Variants in HYDIN observed in about 807,000 individuals in gnomAD.
HYDIN encodes axonemal central pair apparatus protein HYDIN.
Under a neutral mutation model 403.9 loss-of-function variants are expected in HYDIN, and 132 were observed. The ratio of observed to expected loss-of-function variants is 0.33; its 90% CI spans 0.28 to 0.38. The LOEUF is 0.38. Ranked by LOEUF, HYDIN falls within the 10% of genes least tolerant of loss-of-function variation. The probability of loss-of-function intolerance (pLI) is 1.00; values close to 1 mark genes in which losing one functional copy is unlikely to be tolerated. For missense variants in HYDIN, 2,827 were observed against 5,009.5 expected (o/e 0.56, Z 13.15); for synonymous variants, 1,202 against 1,891.7 (o/e 0.64, Z 9.46).
In HYDIN at chr16:70,938,782, T is replaced by C. The variant is rs1184084816; in HGVS notation, c.6854-27A>G. On this transcript the variant is annotated intron_variant, in intron 43 of 85. Transcript: ENST00000393567. ...TGTGAGGGGAACAGAGACGGGAAGG[T>C]GAGGAAAAGTCCTTCTCAGTCTCGC... is the stretch of plus-strand genomic sequence containing the variant. 8 of 1,612,272 alleles carry C rather than the reference T, an allele frequency of 5.0e-6. No individual in the cohort carries two copies. The African/African-American group carries it at 6.7e-5, about 13-fold the overall frequency.
intron 23 of HYDIN, among the ~76,000 whole-genome samples, chr16:70,997,558 C>T (rs978044485): frequency 2.0e-5 from 3 of 151,918 alleles, no homozygotes; most frequent in Admixed American, 2.0e-4. Flanking sequence ...TGCACCTCTT[C>T]CTCCTGGCAG....
chr16:70,964,902 C>G lies in HYDIN; in HGVS notation c.5620-6G>C. 1.2e-6 allele frequency: 2 copies of G among 1,613,674 alleles called. No homozygotes were observed. The highest frequency in any genetic ancestry group is 1.7e-6 in the Non-Finnish European group (2 of 1,179,952). ...CCCTTCAGCTTCCGCAAGATCTGCTCGAGGGGAGAAAGAGAATCCTGTTGG... is the reference window on the plus strand; with the variant it reads ...CCCTTCAGCTTCCGCAAGATCTGCTGGAGGGGAGAAAGAGAATCCTGTTGG... On this transcript the variant is annotated splice_polypyrimidine_tract_variant and splice_region_variant and intron_variant, in intron 36 of 85. Transcript: ENST00000393567.
intron 58 of HYDIN, among the ~76,000 whole-genome samples, chr16:70,885,977 C>A (rs1419086184): frequency 1.4e-5 from 2 of 147,134 alleles, no homozygotes; most frequent in Non-Finnish European, 3.0e-5. Context: ...GCAGAGGCCA[C>A]CTTGCAACCA....
chr16:71,069,656 T>A (rs1403616145), intron 13 of HYDIN, among the ~76,000 whole-genome samples, 154 bp from the exon 14 acceptor site: 3 of 152,234 alleles, frequency 2.0e-5, no homozygotes, highest in East Asian at 3.8e-4. Context: ...ATTTTTATTG[T>A]TTCATTCCAT....
intron 18 of HYDIN, among the ~76,000 whole-genome samples, chr16:71,058,542 A>G (rs1032569047): frequency 2.9e-5 from 4 of 138,158 alleles, no homozygotes; most frequent in Non-Finnish European, 4.7e-5. Context: ...ATGTATACAT[A>G]TGTAACTAAC....
chr16:70,964,683 A>C, intron 37 of HYDIN, 45 bp downstream of exon 37: 3 of 1,597,156 alleles, frequency 1.9e-6, no homozygotes, highest in Non-Finnish European at 2.6e-6. Context: ...TCAGAGGGGC[A>C]AAGGCAATGG....
At chr16:70,922,586 C>T (rs560267797) in intron 45 of HYDIN, among the ~76,000 whole-genome samples, 1 of 151,392 alleles carries the variant, frequency 6.6e-6, no homozygotes, top group Admixed American at 6.6e-5. Context: ...AAAATCAGGA[C>T]TAAAAAGAGA....
At chr16:70,994,904 TC>T (rs1287724226) in intron 23 of HYDIN, among the ~76,000 whole-genome samples, 1 of 149,296 alleles carries the variant, frequency 6.7e-6, no homozygotes, top group Non-Finnish European at 1.5e-5. Context: ...CACTCACCCA[TC>T]CAGCCTTTGC....
At chr16:71,058,686 C>G (rs2081982754) in intron 18 of HYDIN, among the ~76,000 whole-genome samples, 1 of 149,134 alleles carries the variant, frequency 6.7e-6, no homozygotes, top group South Asian at 2.1e-4. Flanking sequence ...TGTTCTTGTG[C>G]AAAAATAAAA....
At chr16:71,067,481 A>T in intron 14 of HYDIN, 91 bp from the exon 15 acceptor site, 1 of 693,498 alleles carries the variant, frequency 1.4e-6, no homozygotes, top group East Asian at 2.8e-5. Context: ...CGCTGATCAG[A>T]GTGGTTTCTA....
intron 18 of HYDIN, among the ~76,000 whole-genome samples, chr16:71,033,921 C>T (rs1439108433): frequency 3.3e-5 from 5 of 151,878 alleles, no homozygotes; most frequent in African/African-American, 4.8e-5. Flanking sequence ...TTAGTTATTA[C>T]CAATATGCAC....
intron 53 of HYDIN, among the ~76,000 whole-genome samples, chr16:70,897,584 G>A (rs1212404811): frequency 1.4e-5 from 2 of 144,496 alleles, no homozygotes; most frequent in Non-Finnish European, 3.0e-5. Context: ...CAAGTGCCTG[G>A]AGCCTTCTAT....
chr16:71,183,317 A>C (rs1361743277), intron 3 of HYDIN, among the ~76,000 whole-genome samples: 1 of 152,158 alleles, frequency 6.6e-6, no homozygotes, highest in Non-Finnish European at 1.5e-5. Context: ...GTTAAAAATG[A>C]ATGAGAGAGG....
At position 70,868,576 on chromosome 16, in the gene HYDIN, T is replaced by A; in HGVS notation, c.11304A>T (p.Lys3768Asn). 6.2e-7 allele frequency: 1 copy of A among 1,610,820 alleles called. No individual in the cohort carries two copies. Among genetic ancestry groups the A allele is most frequent in the East Asian group, 2.2e-5 (1 of 44,764 alleles). ...GCTTGATGTCCCCACTTACTTTTCG[T>A]TTTGTAGTGAAAGTCCCAGGCATGT... The part of the protein sequence containing the change: ...PRNMPGTFTT[K>N]RKVIETDPEP... The change falls in exon 66 of 86, where the codon AAA becomes AAT. Residue 3768 changes from lysine to asparagine, a missense_variant. Transcript: ENST00000393567.
intron 44 of HYDIN, among the ~76,000 whole-genome samples, chr16:70,936,956 C>T (rs921593632): frequency 3.3e-5 from 5 of 151,452 alleles, no homozygotes; most frequent in African/African-American, 1.2e-4. Context: ...CTGCTCCTGC[C>T]CCTGCTGCTG....
intron 75 of HYDIN, among the ~76,000 whole-genome samples, chr16:70,841,175 G>A (rs576857480): frequency 1.0e-3 from 152 of 152,020 alleles, no homozygotes; most frequent in Middle Eastern, 3.4e-3. Flanking sequence ...TTAAGTTCAG[G>A]GGTACATGTG....
intron 10 of HYDIN, among the ~76,000 whole-genome samples, chr16:71,108,541 A>G (rs1036016034): frequency 2.6e-5 from 4 of 152,126 alleles, no homozygotes; most frequent in African/African-American, 9.7e-5. Flanking sequence ...TATGTGTATA[A>G]GTTTCCAATC....
rs375384248 is a variant in HYDIN, at chr16:70,855,211, G to A, written c.12360C>T (p.Phe4120=). 6.3e-3 allele frequency: 9,779 copies of A among 1,556,978 alleles called. 337 individuals are homozygous for A. Among genetic ancestry groups the A allele is most frequent in the Non-Finnish European group, 6.4e-3 (7,352 of 1,150,988 alleles). The change falls in exon 73 of 86, where the codon TTC becomes TTT. Residue 4120 remains phenylalanine (F), a synonymous_variant. Transcript: ENST00000393567. Reference sequence around the variant, plus strand: ...CTTCAGAATAGCGGGAGTTGTCCTGGAAGGAAAAATCGAACCCCTGCTCCT... The same window carrying A: ...CTTCAGAATAGCGGGAGTTGTCCTGAAAGGAAAAATCGAACCCCTGCTCCT... The part of the protein sequence containing the change: ...NKEEQGFDFS[F]QDNSRYSEGF...
chr16:70,809,178 G>A (rs2035298365), intron 85 of HYDIN, among the ~76,000 whole-genome samples: 1 of 152,186 alleles, frequency 6.6e-6, no homozygotes, highest in Non-Finnish European at 1.5e-5. Flanking sequence ...GCCTCCCAAA[G>A]TGCTAGGATT....
Sources: allele counts gnomAD v4.1 joint callset (sites outside exome capture counted in the v4.1 genomes callset), GRCh38; gene constraint gnomAD v4.1.1; transcripts MANE v1.5; gene names NCBI Gene and HGNC (gene_info 2026-07-23, HGNC 2026-07-21).